SOBP: variants seen among roughly 807,000 people sequenced by gnomAD.
SOBP encodes the protein sine oculis-binding protein homolog.
In SOBP, 4 loss-of-function variants were observed where a neutral mutation model predicts 53.6. The ratio of observed to expected loss-of-function variants is 0.07; its 90% CI spans 0.04 to 0.17. The LOEUF (loss-of-function observed/expected upper bound fraction) is 0.17. Among genes scored for constraint, SOBP ranks in the 10% least tolerant of loss-of-function variants. The pLI is 1.00. For missense variants in SOBP, 1,088 were observed against 1,204.7 expected (o/e 0.90, Z 1.43); for synonymous variants, 584 against 522.6 (o/e 1.12, Z -1.60).
chr6:107,493,118 C>A (rs1782617594), intron 1 of SOBP, among the ~76,000 whole-genome samples: 1 of 152,138 alleles, frequency 6.6e-6, no homozygotes, highest in Admixed American at 6.5e-5. Flanking sequence ...TCCTCCAGCT[C>A]CCTGAACCTA....
intron 4 of SOBP, chr6:107,557,800 G>T (rs532734437): frequency 1.3e-5 from 2 of 152,278 alleles, no homozygotes; most frequent in South Asian, 4.1e-4. Flanking sequence ...TTATGGAGTA[G>T]GTTACTGGTT....
chr6:107,550,771 C>T (rs1784438605), intron 4 of SOBP, among the ~76,000 whole-genome samples: 1 of 152,144 alleles, frequency 6.6e-6, no homozygotes, highest in South Asian at 2.1e-4. Context: ...ATGAGAGCGC[C>T]ACATGTCACA....
At chr6:107,600,409 C>G (rs972517785) in intron 5 of SOBP, among the ~76,000 whole-genome samples, 2 of 152,124 alleles carry the variant, frequency 1.3e-5, no homozygotes, top group Non-Finnish European at 2.9e-5. Flanking sequence ...TCACTTCATT[C>G]GAGTGGTAGC....
At chr6:107,559,042 TC>T (rs1784700949) in intron 4 of SOBP, among the ~76,000 whole-genome samples, 1 of 152,220 alleles carries the variant, frequency 6.6e-6, no homozygotes, top group Admixed American at 6.5e-5. Context: ...GTTTGAAACT[TC>T]ATCTGCCATA....
At chr6:107,604,756 G>A (rs1013925290) in intron 5 of SOBP, among the ~76,000 whole-genome samples, 2 of 152,170 alleles carry the variant, frequency 1.3e-5, no homozygotes, top group African/African-American at 4.8e-5. Context: ...AGCGGGGTGA[G>A]GTTTCCGGAC....
At chr6:107,512,647 T>C (rs972084418) in intron 3 of SOBP, among the ~76,000 whole-genome samples, 1 of 152,220 alleles carries the variant, frequency 6.6e-6, no homozygotes, top group African/African-American at 2.4e-5. Flanking sequence ...GTAGCCAGGG[T>C]AGACCCTGGC....
At chr6:107,536,279 A>G (rs1444953647) in intron 4 of SOBP, among the ~76,000 whole-genome samples, 1 of 152,206 alleles carries the variant, frequency 6.6e-6, no homozygotes, top group African/African-American at 2.4e-5. Context: ...GAAAAATCCT[A>G]GTAGAAAAGG....
At chr6:107,512,098 A>G (rs1468263377) in intron 3 of SOBP, among the ~76,000 whole-genome samples, 1 of 152,238 alleles carries the variant, frequency 6.6e-6, no homozygotes, top group Non-Finnish European at 1.5e-5. Flanking sequence ...AGAAAATAAT[A>G]AAAGTATTGA....
intron 6 of SOBP, among the ~76,000 whole-genome samples, chr6:107,636,666 C>T (rs1771058663): frequency 1.3e-5 from 2 of 152,158 alleles, no homozygotes; most frequent in African/African-American, 4.8e-5. Context: ...GTACACTGCT[C>T]CTTCCAGGGA....
chr6:107,620,818 C>T (rs375418034), intron 5 of SOBP, among the ~76,000 whole-genome samples: 338 of 152,312 alleles, frequency 2.2e-3, no homozygotes, highest in Non-Finnish European at 4.2e-3. Flanking sequence ...GCATGTTATG[C>T]AGGCTGTTTG....
At chr6:107,618,859 T>G (rs946690712) in intron 5 of SOBP, among the ~76,000 whole-genome samples, 1 of 152,188 alleles carries the variant, frequency 6.6e-6, no homozygotes, top group Non-Finnish European at 1.5e-5. Context: ...GCTTGTGGGC[T>G]GCGTAGGGTA....
intron 4 of SOBP, among the ~76,000 whole-genome samples, chr6:107,542,826 T>C (rs1784188794): frequency 6.6e-6 from 1 of 151,876 alleles, no homozygotes; most frequent in Non-Finnish European, 1.5e-5. Context: ...GTTGGGTAAG[T>C]GTTCTGACAC....
chr6:107,605,930 G>T (rs1786358149), intron 5 of SOBP, among the ~76,000 whole-genome samples: 1 of 152,156 alleles, frequency 6.6e-6, no homozygotes, highest in Non-Finnish European at 1.5e-5. Flanking sequence ...AGGCTAGGGG[G>T]TGATGATTTT....
intron 4 of SOBP, among the ~76,000 whole-genome samples, chr6:107,544,557 C>A (rs1465997337): frequency 1.3e-5 from 2 of 152,168 alleles, no homozygotes; most frequent in South Asian, 2.1e-4. Context: ...GATCTTGAAG[C>A]TTCCCTGAGT....
chr6:107,608,891 C>A (rs934650061), intron 5 of SOBP, among the ~76,000 whole-genome samples: 2 of 152,154 alleles, frequency 1.3e-5, no homozygotes, highest in Non-Finnish European at 2.9e-5. Flanking sequence ...TGAGTTTGTT[C>A]GATTTGGCAT....
At chr6:107,599,724 C>T (rs1325923568) in intron 5 of SOBP, among the ~76,000 whole-genome samples, 1 of 152,030 alleles carries the variant, frequency 6.6e-6, no homozygotes, top group East Asian at 1.9e-4. Context: ...GAAGTGAACA[C>T]AACCACCTAC....
chr6:107,569,232 G>A (rs1490239243), intron 4 of SOBP, among the ~76,000 whole-genome samples: 1 of 152,188 alleles, frequency 6.6e-6, no homozygotes, highest in Non-Finnish European at 1.5e-5. Context: ...GCATCCCACT[G>A]CAGAACAGTA....
chr6:107,547,555 A>G (rs1784336197), intron 4 of SOBP, among the ~76,000 whole-genome samples: 1 of 152,242 alleles, frequency 6.6e-6, no homozygotes. Flanking sequence ...CTATACAAAT[A>G]TGGGATACAA....
intron 5 of SOBP, among the ~76,000 whole-genome samples, chr6:107,614,129 CA>C (rs1220729364): frequency 4.5e-4 from 68 of 152,196 alleles, no homozygotes; most frequent in Non-Finnish European, 2.9e-5. Flanking sequence ...AAGGCAGGCG[CA>C]GTGGCTCACG....
Sources: gnomAD v4.1 joint callset for allele counts (sites outside exome capture counted in the v4.1 genomes callset) on GRCh38, gnomAD v4.1.1 for gene constraint, MANE v1.5 for transcripts, NCBI Gene and HGNC (gene_info 2026-07-23, HGNC 2026-07-21) for gene names.